The following RBFOX2 variants were observed in gnomAD, a reference collection of about 807,000 sequenced individuals.
The protein encoded by RBFOX2 is RNA binding protein fox-1 homolog 2.
A neutral mutation model predicts 49.1 loss-of-function variants in RBFOX2; 10 were observed. The observed-to-expected ratio is 0.20, with a 90% CI of 0.13 to 0.35. The LOEUF is 0.35. RBFOX2 is among the 10% of genes least tolerant of loss of function. RBFOX2 has a pLI of 1.00. For synonymous variants in RBFOX2, 183 were observed against 187.4 expected (o/e 0.98, Z 0.19); for missense variants, 323 against 486.9 (o/e 0.66, Z 3.17).
At chr22:36,008,378 A>G (rs2058694541) in intron 1 of RBFOX2, among the ~76,000 whole-genome samples, 1 of 152,198 alleles carries the variant, frequency 6.6e-6, no homozygotes, top group Admixed American at 6.5e-5. Context: ...TTACACAATA[A>G]GAGAGGATTA....
chr22:35,872,244 A>G (rs2044451111), intron 1 of RBFOX2, among the ~76,000 whole-genome samples: 1 of 152,170 alleles, frequency 6.6e-6, no homozygotes, highest in South Asian at 2.1e-4. Flanking sequence ...CCGTTGCTCA[A>G]ACCTCTAGGG....
chr22:35,840,999 A>T (rs551695479), upstream of RBFOX2, among the ~76,000 whole-genome samples: 54 of 152,312 alleles, frequency 3.5e-4, no homozygotes, highest in African/African-American at 1.2e-3. Flanking sequence ...CAGCCTAGTG[A>T]GAGCAAAGGA....
chr22:35,776,909 A>C (rs888593813), intron 4 of RBFOX2, among the ~76,000 whole-genome samples: 5 of 152,072 alleles, frequency 3.3e-5, no homozygotes, highest in Non-Finnish European at 5.9e-5. Context: ...ACACCACTGT[A>C]AGTCTTTGCC....
intron 1 of RBFOX2, among the ~76,000 whole-genome samples, chr22:35,929,832 G>C (rs2052143853): frequency 6.6e-6 from 1 of 151,948 alleles, no homozygotes; most frequent in African/African-American, 2.4e-5. Flanking sequence ...GTGGTTGGCT[G>C]GGGGAGAGAG....
chr22:35,931,097 C>T (rs907682066), intron 1 of RBFOX2, among the ~76,000 whole-genome samples: 3 of 152,134 alleles, frequency 2.0e-5, no homozygotes, highest in African/African-American at 7.2e-5. Flanking sequence ...GACACTACAG[C>T]ATATACCAGA....
chr22:35,831,279 T>C (rs1180543164), intron 1 of RBFOX2, among the ~76,000 whole-genome samples: 1 of 152,040 alleles, frequency 6.6e-6, no homozygotes, highest in Non-Finnish European at 1.5e-5. Context: ...CTGTCTCTAC[T>C]AAAATTACAA....
At chr22:35,947,987 C>T (rs2054504416) in intron 1 of RBFOX2, among the ~76,000 whole-genome samples, 1 of 152,236 alleles carries the variant, frequency 6.6e-6, no homozygotes. Flanking sequence ...CACACTCACT[C>T]ACTGACTCAT....
At chr22:35,775,880 A>G (rs1053094172) in intron 4 of RBFOX2, among the ~76,000 whole-genome samples, 5 of 151,750 alleles carry the variant, frequency 3.3e-5, no homozygotes, top group Middle Eastern at 3.4e-3. Flanking sequence ...AAGAAAAGAA[A>G]AAGAATTGGT....
At position 36,028,229 on chromosome 22, in the gene RBFOX2, C is replaced by A; in HGVS notation, c.186+11G>T. On this transcript the variant is annotated intron_variant, in intron 1 of 13. Transcript: ENST00000438146. ...CCCGCAATAACTGGGCGCCCCGTCCCGCGCGGTCACCTGCATCCCGCCGCC... is the reference window on the plus strand; with the variant it reads ...CCCGCAATAACTGGGCGCCCCGTCCAGCGCGGTCACCTGCATCCCGCCGCC... The A allele has an allele frequency of 6.7e-7, 1 of 1,500,838 alleles. No individual in the cohort carries two copies. Among genetic ancestry groups the A allele is most frequent in the Non-Finnish European group, 8.8e-7 (1 of 1,133,112 alleles). The allele number at this position is 1,500,838 out of a possible 1,614,324, so 93.0% of individuals were successfully genotyped here. A position where few individuals can be genotyped will look rare whatever the true frequency, so the allele number is the denominator to read the frequency against.
intron 9 of RBFOX2, among the ~76,000 whole-genome samples, chr22:35,748,803 C>T (rs916159974): frequency 2.6e-5 from 4 of 152,188 alleles, no homozygotes; most frequent in South Asian, 2.1e-4. Context: ...TTATGCCATA[C>T]GGCAGAGGTA....
chr22:35,769,029 T>G lies in RBFOX2; in HGVS notation c.454-680A>C, dbSNP rs369699533. Among the ~76,000 whole-genome samples the G allele has an allele frequency of 5.3e-5, 8 of 152,306 alleles. No homozygotes were observed. In the South Asian group the frequency reaches 8.3e-4, roughly 16 times the overall value. ...AAAATATCACTAAGCAGTGGTCAAT[T>G]ATAACTTTTCTTCAATGCCCTTTTT... On this transcript the variant is annotated intron_variant, in intron 4 of 11. Coordinates refer to ENST00000405409, the Ensembl canonical transcript of RBFOX2.
At chr22:35,803,147 AACACACACACACAC>A (rs374346895) in intron 2 of RBFOX2, among the ~76,000 whole-genome samples, 15 of 145,756 alleles carry the variant, frequency 1.0e-4, no homozygotes, top group Admixed American at 3.4e-4. Flanking sequence ...AATTACTTAA[AACACACACACACAC>A]ACACACACAC....
chr22:35,902,394 T>C (rs1264921846), intron 1 of RBFOX2, among the ~76,000 whole-genome samples: 1 of 152,168 alleles, frequency 6.6e-6, no homozygotes, highest in Non-Finnish European at 1.5e-5. Flanking sequence ...TTAAATCCAA[T>C]TGTCTGCCTT....
At chr22:35,829,439 G>A (rs753920709) in intron 1 of RBFOX2, among the ~76,000 whole-genome samples, 7 of 151,820 alleles carry the variant, frequency 4.6e-5, no homozygotes, top group East Asian at 1.9e-4. Flanking sequence ...TTCTAGAGAC[G>A]AAAGCTATAA....
chr22:36,028,344 G>A lies in RBFOX2; in HGVS notation c.82C>T (p.Leu28=), dbSNP rs758984132. ...CCCGCTCCGGGCACCGGCAGCTCCA[G>A]CTCCGACTCCCGCTTCATGCCCCGG... Residue 28 remains leucine, a synonymous_variant, in exon 1 of 14, where the codon CTG becomes TTG. Coordinates refer to the RBFOX2 transcript ENST00000438146. 8.2e-5 allele frequency: 120 copies of A among 1,467,488 alleles called. No homozygotes were observed. Among genetic ancestry groups the A allele is most frequent in the East Asian group, 2.9e-5 (1 of 34,174 alleles). The allele number at this position is 1,467,488 out of a possible 1,614,324, so 90.9% of individuals were successfully genotyped here.
chr22:35,934,197 G>A (rs1362452431), intron 1 of RBFOX2, among the ~76,000 whole-genome samples: 11 of 150,996 alleles, frequency 7.3e-5, no homozygotes, highest in African/African-American at 2.7e-4. Flanking sequence ...ACTCACAGAT[G>A]ATGCTCTGGG....
At chr22:35,977,597 T>C (rs2057235183) in intron 1 of RBFOX2, among the ~76,000 whole-genome samples, 1 of 151,610 alleles carries the variant, frequency 6.6e-6, no homozygotes, top group Non-Finnish European at 1.5e-5. Flanking sequence ...CTTTCTACGG[T>C]AATGGACGCA....
chr22:36,019,604 T>C (rs2059167591), intron 1 of RBFOX2, among the ~76,000 whole-genome samples: 1 of 152,218 alleles, frequency 6.6e-6, no homozygotes, highest in Non-Finnish European at 1.5e-5. Context: ...CTCAGAGATG[T>C]TGAATAGCTC....
upstream of RBFOX2, among the ~76,000 whole-genome samples, chr22:35,964,476 A>C (rs1459879738): frequency 1.3e-5 from 2 of 152,242 alleles, no homozygotes; most frequent in African/African-American, 4.8e-5. Context: ...TACATGCTGA[A>C]ATGAAATGAC....
Sources: allele counts gnomAD v4.1 joint callset (sites outside exome capture counted in the v4.1 genomes callset), GRCh38; gene constraint gnomAD v4.1.1; transcripts MANE v1.5; gene names NCBI Gene and HGNC (gene_info 2026-07-23, HGNC 2026-07-21).